HERC2: variants seen among roughly 807,000 people sequenced by gnomAD.
HERC2 encodes E3 ubiquitin-protein ligase HERC2.
HERC2 carries 102 observed loss-of-function variants against 537.7 expected under a neutral mutation model. The observed-to-expected ratio is 0.19, with a 90% CI of 0.16 to 0.22. The LOEUF (loss-of-function observed/expected upper bound fraction) is 0.22. Ranked by LOEUF, HERC2 falls within the 10% of genes least tolerant of loss-of-function variation. HERC2 has a pLI of 1.00. For missense variants in HERC2, 4,236 were observed against 6,198.2 expected (o/e 0.68, Z 10.63); for synonymous variants, 2,224 against 2,466.2 (o/e 0.90, Z 2.91).
intron 69 of HERC2, among the ~76,000 whole-genome samples, chr15:28,155,552 C>T (rs1892913380): frequency 6.6e-6 from 1 of 151,516 alleles, no homozygotes; most frequent in South Asian, 2.1e-4. Context: ...CTGGTGGCTG[C>T]ATAAATGTCT....
chr15:28,141,640 A>G lies in HERC2; in HGVS notation c.11817-10T>C. The G allele has an allele frequency of 6.2e-7, 1 of 1,614,076 alleles. No individual in the cohort carries two copies. On this transcript the variant is annotated splice_polypyrimidine_tract_variant and intron_variant, in intron 77 of 92. Coordinates refer to ENST00000261609, the MANE Select transcript of HERC2 (RefSeq NM_004667.6). ...CCAGTCATCTGGTCGCCTACAATAC[A>G]CATCAAGTGAGCATTTGCCATGGGC...
intron 3 of HERC2, chr15:28,298,465 T>G (rs999273591): frequency 4.6e-5 from 7 of 151,256 alleles, no homozygotes; most frequent in African/African-American, 1.7e-4. Flanking sequence ...CCCATGTACT[T>G]TCAAGTGGAC....
intron 56 of HERC2, among the ~76,000 whole-genome samples, chr15:28,182,981 T>C (rs1895965686): frequency 1.3e-5 from 2 of 152,152 alleles, no homozygotes; most frequent in Admixed American, 1.3e-4. Context: ...ACAGAAAGAA[T>C]AAAACGGATG....
chr15:28,204,076 C>T (rs1898150394), intron 45 of HERC2: 1 of 152,148 alleles, frequency 6.6e-6, no homozygotes, highest in Non-Finnish European at 1.5e-5. Context: ...CTGCCAGGTA[C>T]TGAACTGCCT....
chr15:28,266,242 G>A lies in HERC2; in HGVS notation c.1599-268C>T, dbSNP rs184469644. The stretch of plus-strand genomic sequence containing the variant: ...TAAAGAATTGTACAATAGGCTAGGC[G>A]CGGTGGCTCACACCTGTAATCCCAC... On this transcript the variant is annotated intron_variant, in intron 12 of 92. Transcript: ENST00000261609. 6.2e-4 allele frequency among the ~76,000 whole-genome samples: 94 copies of A among 152,218 alleles called. No homozygotes were observed. The East Asian group carries it at 0.01, about 17-fold the overall frequency.
At chr15:28,314,977 G>A (rs1290824362) in intron 2 of HERC2, among the ~76,000 whole-genome samples, 2 of 152,174 alleles carry the variant, frequency 1.3e-5, no homozygotes, top group African/African-American at 4.8e-5. Context: ...GCCAAGGTGA[G>A]TTGTTATAAA....
At chr15:28,216,873 G>A (rs986113530) in intron 38 of HERC2, among the ~76,000 whole-genome samples, 7 of 147,058 alleles carry the variant, frequency 4.8e-5, no homozygotes, top group African/African-American at 1.4e-4. Flanking sequence ...ACTCACATAT[G>A]CACTCACACT....
At position 28,177,463 on chromosome 15, in the gene HERC2, C is replaced by A. The variant is rs61756153; in HGVS notation, c.9210G>T (p.Ser3070=). The change falls in exon 60 of 93, where the codon TCG becomes TCT. Residue 3070 remains serine, a synonymous_variant. Coordinates refer to ENST00000261609, the MANE Select transcript of HERC2 (RefSeq NM_004667.6). This position sits in a 1 kb window ranked among gnomAD's most constrained non-coding sequence, Gnocchi z 5.0. ...TALTVDGKVF[S]WGEGDDGKLG... Reference sequence around the variant, plus strand: ...GTTTTCCATCGTCACCTTCGCCCCACGAAAACACTTTTCCATCGACAGTTA... The same window carrying A: ...GTTTTCCATCGTCACCTTCGCCCCAAGAAAACACTTTTCCATCGACAGTTA... 2 of 1,613,988 alleles carry A rather than the reference C, an allele frequency of 1.2e-6. No homozygotes were observed. The highest frequency in any genetic ancestry group is 1.7e-6 in the Non-Finnish European group (2 of 1,180,014).
intron 4 of HERC2, among the ~76,000 whole-genome samples, chr15:28,290,177 T>C (rs1242460065): frequency 6.6e-6 from 1 of 152,234 alleles, no homozygotes; most frequent in Admixed American, 6.5e-5. Context: ...AAGCCAACCT[T>C]GTGTGTTAGT....
chr15:28,169,160 T>C (rs902108637), intron 66 of HERC2, among the ~76,000 whole-genome samples: 7 of 152,262 alleles, frequency 4.6e-5, no homozygotes, highest in African/African-American at 1.7e-4. Context: ...GCGAAGGGGA[T>C]GCTAAGTCGT....
Position 28,144,671 on chromosome 15 carries a change from A to G in HERC2, c.11140+2T>C. 3 of 1,614,186 alleles carry G rather than the reference A, an allele frequency of 1.9e-6. No homozygotes were observed. The highest frequency in any genetic ancestry group is 2.5e-6 in the Non-Finnish European group (3 of 1,180,034). On this transcript the variant is annotated splice_donor_variant, in intron 72 of 92. Transcript: ENST00000261609. LOFTEE classifies it high-confidence loss of function. ...CTTGATCGCCATAAGCCCCTTCCTT[A>G]CCAGCAGCTGGCATGATGGGATAGA...
At chr15:28,163,368 A>G (rs945274118) in intron 68 of HERC2, 83 bp from the exon 69 acceptor site, 54 of 1,256,038 alleles carry the variant, frequency 4.3e-5, no homozygotes, top group South Asian at 5.4e-5. Flanking sequence ...ATAAACTCAG[A>G]GAACACATGA....
intron 52 of HERC2, among the ~76,000 whole-genome samples, chr15:28,192,839 G>A (rs1896975749): frequency 1.3e-5 from 2 of 152,170 alleles, no homozygotes; most frequent in African/African-American, 2.4e-5. Flanking sequence ...CAGGAAGGCT[G>A]AGGATGCTAC....
rs1019168175 is a variant in HERC2 at position 28,272,239 on chromosome 15, T to A, written c.1059A>T (p.Ala353=). The A allele has an allele frequency of 6.2e-7, 1 of 1,609,010 alleles. No homozygotes were observed. The highest frequency in any genetic ancestry group is 8.5e-7 in the Non-Finnish European group (1 of 1,178,302). Residue 353 remains alanine, a synonymous_variant, in exon 9 of 93, where the codon GCA becomes GCT. Transcript: ENST00000261609. ...CGTGCATGTCGCCCTCGGAGTGGGG[T>A]GCATCCTTCCTGCAAATGATGCTCT... ...RFQSIICRKD[A]PHSEGDMHLL...
intron 4 of HERC2, among the ~76,000 whole-genome samples, chr15:28,290,069 GC>G (rs1421981765): frequency 1.3e-5 from 2 of 152,198 alleles, no homozygotes; most frequent in Non-Finnish European, 2.9e-5. Flanking sequence ...TCCCCACTTT[GC>G]CTGAGCACAC....
chr15:28,304,743 G>A (rs1460624153), intron 2 of HERC2, among the ~76,000 whole-genome samples: 5 of 139,608 alleles, frequency 3.6e-5, no homozygotes, highest in African/African-American at 1.3e-4. Context: ...AAGTTTTAGG[G>A]TACATGTGCA....
At chr15:28,288,023 C>T (rs930594796) in intron 4 of HERC2, among the ~76,000 whole-genome samples, 57 of 152,066 alleles carry the variant, frequency 3.7e-4, no homozygotes, top group Non-Finnish European at 7.8e-4. Context: ...CTCCCAGCCA[C>T]TTATTCCTAC....
intron 4 of HERC2, among the ~76,000 whole-genome samples, chr15:28,287,946 G>C (rs962210068): frequency 1.3e-5 from 2 of 151,932 alleles, no homozygotes; most frequent in Non-Finnish European, 1.5e-5. Flanking sequence ...GCATGGTCTC[G>C]ATCTCCTGAC....
intron 2 of HERC2, among the ~76,000 whole-genome samples, chr15:28,308,933 G>C (rs532483415): frequency 6.6e-6 from 1 of 152,342 alleles, no homozygotes; most frequent in African/African-American, 2.4e-5. Context: ...ACGTATTGCT[G>C]AATTTGGTTT....
Sources: allele counts gnomAD v4.1 joint callset (sites outside exome capture counted in the v4.1 genomes callset), GRCh38; gene constraint gnomAD v4.1.1; non-coding constraint Gnocchi (gnomAD v3.1); transcripts MANE v1.5; gene names NCBI Gene and HGNC (gene_info 2026-07-23, HGNC 2026-07-21).